The following ASPRV1 variants were observed in gnomAD, a reference collection of about 807,000 sequenced individuals.
The protein encoded by ASPRV1 is aspartic peptidase retroviral like 1, also known as retroviral-like aspartic protease 1.
ASPRV1 carries 7 observed loss-of-function variants against 11.0 expected under a neutral mutation model. The observed-to-expected ratio is 0.64, with a 90% CI of 0.36 to 1.20. ASPRV1 has a LOEUF of 1.20. Among genes scored for constraint, ASPRV1 ranks in the 50% most tolerant of loss-of-function variants. ASPRV1 has a pLI of 0.02. For missense variants in ASPRV1, 299 were observed against 320.0 expected (o/e 0.93, Z 0.50); for synonymous variants, 136 against 138.4 (o/e 0.98, Z 0.12).
chr2:69,951,215 A>T, the ASPRV1 span, among the ~76,000 whole-genome samples: 69 of 151,838 alleles, frequency 4.5e-4, no homozygotes, highest in Admixed American at 5.2e-4. Flanking sequence ...CGCGAGGTCA[A>T]GAGATCGAGA....
chr2:69,939,670 G>A, the ASPRV1 span: 2 of 152,630 alleles, frequency 1.3e-5, no homozygotes, highest in South Asian at 2.1e-4. Context: ...AGGTCTTGAT[G>A]TTTTCAGCCT....
chr2:70,058,205 C>G, the ASPRV1 span, among the ~76,000 whole-genome samples: 2 of 152,242 alleles, frequency 1.3e-5, no homozygotes, highest in African/African-American at 2.4e-5. Flanking sequence ...CCTTTACACT[C>G]TGCTGTCTTT....
chr2:70,022,008 C>A, the ASPRV1 span, among the ~76,000 whole-genome samples: 1 of 150,244 alleles, frequency 6.7e-6, no homozygotes, highest in Non-Finnish European at 1.5e-5. Context: ...CCAGCCAATA[C>A]ATTTTGTTTT....
the ASPRV1 span, among the ~76,000 whole-genome samples, chr2:70,021,869 A>AT: frequency 5.6e-5 from 8 of 143,706 alleles, no homozygotes; most frequent in South Asian, 1.1e-3. Flanking sequence ...TACCCAGCTA[A>AT]TTTTTTTTGT....
upstream of ASPRV1, among the ~76,000 whole-genome samples, chr2:69,966,011 C>T (rs980463413): frequency 1.3e-5 from 2 of 152,194 alleles, no homozygotes; most frequent in Non-Finnish European, 2.9e-5. Flanking sequence ...AGTGGCCCAG[C>T]GCAGCCCACC....
At chr2:69,973,811 C>A in the ASPRV1 span, among the ~76,000 whole-genome samples, 16 of 152,224 alleles carry the variant, frequency 1.1e-4, no homozygotes, top group Admixed American at 2.0e-4. Context: ...TTAGCATTTT[C>A]TCCATAACCT....
the ASPRV1 span, among the ~76,000 whole-genome samples, chr2:70,079,128 A>T: frequency 6.6e-6 from 1 of 152,200 alleles, no homozygotes; most frequent in African/African-American, 2.4e-5. Flanking sequence ...AAGTTTTTTA[A>T]TAAGTTCAAC....
the ASPRV1 span, among the ~76,000 whole-genome samples, chr2:70,008,256 A>G: frequency 1.3e-5 from 2 of 152,200 alleles, no homozygotes; most frequent in Non-Finnish European, 2.9e-5. Context: ...GTGGCAGAAT[A>G]TGAGTAATAT....
At chr2:70,059,173 G>C in the ASPRV1 span, among the ~76,000 whole-genome samples, 1 of 151,092 alleles carries the variant, frequency 6.6e-6, no homozygotes, top group Non-Finnish European at 1.5e-5. Flanking sequence ...TTACAGGCGT[G>C]AGCCACCGTG....
the ASPRV1 span, chr2:69,988,394 C>T: frequency 5.9e-6 from 1 of 168,148 alleles, no homozygotes; most frequent in Non-Finnish European, 1.3e-5. Flanking sequence ...AAACATTATG[C>T]TAAGTGAAAG....
the ASPRV1 span, among the ~76,000 whole-genome samples, chr2:69,980,556 T>C: frequency 6.6e-6 from 1 of 152,326 alleles, no homozygotes; most frequent in Non-Finnish European, 1.5e-5. Flanking sequence ...TCCTGGAATG[T>C]ATCCCAGAAC....
At chr2:69,981,854 C>G in the ASPRV1 span, among the ~76,000 whole-genome samples, 2 of 152,144 alleles carry the variant, frequency 1.3e-5, no homozygotes, top group African/African-American at 4.8e-5. Flanking sequence ...CCACCATGCT[C>G]GGCTATTTTC....
the ASPRV1 span, among the ~76,000 whole-genome samples, chr2:70,038,292 T>A: frequency 3.3e-5 from 5 of 152,214 alleles, no homozygotes; most frequent in African/African-American, 1.2e-4. Flanking sequence ...CATGCTTGTA[T>A]TCCCAACACT....
At chr2:69,980,972 C>T in the ASPRV1 span, among the ~76,000 whole-genome samples, 1 of 152,128 alleles carries the variant, frequency 6.6e-6, no homozygotes, top group African/African-American at 2.4e-5. Flanking sequence ...GATGGGGTTT[C>T]TCCATTTTGG....
the ASPRV1 span, among the ~76,000 whole-genome samples, chr2:69,950,153 T>A: frequency 6.6e-6 from 1 of 152,016 alleles, no homozygotes. Flanking sequence ...AACATAAAGG[T>A]GCTGTTTAAT....
the ASPRV1 span, among the ~76,000 whole-genome samples, chr2:70,072,474 G>C: frequency 5.3e-5 from 8 of 151,440 alleles, no homozygotes; most frequent in African/African-American, 1.7e-4. Flanking sequence ...TGTAATCCCA[G>C]CACTTTGGGA....
upstream of ASPRV1, among the ~76,000 whole-genome samples, chr2:69,963,874 G>C (rs552419994): frequency 6.6e-6 from 1 of 152,150 alleles, no homozygotes; most frequent in African/African-American, 2.4e-5. Flanking sequence ...GAGGTGAAGC[G>C]CTGGGCTGAG....
chr2:69,963,556 G>C, upstream of ASPRV1: 2 of 418,172 alleles, frequency 4.8e-6, no homozygotes, highest in South Asian at 3.3e-5. Flanking sequence ...GAGCGAGGCA[G>C]GTGGCTTGTC....
the ASPRV1 span, among the ~76,000 whole-genome samples, chr2:69,951,348 C>T: frequency 1.3e-5 from 2 of 148,278 alleles, no homozygotes; most frequent in Admixed American, 6.8e-5. Context: ...CACTTGAACC[C>T]GGGAGGCGGA....
Sources: gnomAD v4.1 joint callset for allele counts (sites outside exome capture counted in the v4.1 genomes callset) on GRCh38, gnomAD v4.1.1 for gene constraint, MANE v1.5 for transcripts, NCBI Gene and HGNC (gene_info 2026-07-23, HGNC 2026-07-21) for gene names.